CACNA2D3: variants seen among roughly 807,000 people sequenced by gnomAD.
CACNA2D3 encodes voltage-dependent calcium channel subunit alpha-2/delta-3.
In CACNA2D3, 60 loss-of-function variants were observed where a neutral mutation model predicts 160.6. The observed-to-expected ratio is 0.37, with a 90% CI of 0.30 to 0.46. The LOEUF (loss-of-function observed/expected upper bound fraction) is 0.46. Ranked by LOEUF, CACNA2D3 falls within the 20% of genes least tolerant of loss-of-function variation. The probability of loss-of-function intolerance (pLI) is 1.00; values close to 1 mark genes in which losing one functional copy is unlikely to be tolerated. For missense variants in CACNA2D3, 1,205 were observed against 1,365.0 expected (o/e 0.88, Z 1.85); for synonymous variants, 558 against 492.9 (o/e 1.13, Z -1.75).
chr3:54,217,362 G>T (rs1019587240), intron 2 of CACNA2D3, among the ~76,000 whole-genome samples: 1 of 152,146 alleles, frequency 6.6e-6, no homozygotes, highest in Non-Finnish European at 1.5e-5. Context: ...CCTGCCCTGG[G>T]CTAGGGAGTT....
Position 54,703,217 on chromosome 3 carries a change from C to G in CACNA2D3, c.1168-49382C>G, listed in dbSNP as rs376380688. 7.3e-5 allele frequency among the ~76,000 whole-genome samples: 11 copies of G among 151,668 alleles called. No individual in the cohort carries two copies. In the East Asian group the frequency reaches 1.9e-3, roughly 27 times the overall value. On this transcript the variant is annotated intron_variant, in intron 11 of 37. Coordinates refer to ENST00000474759, the MANE Select transcript of CACNA2D3 (RefSeq NM_018398.3). Reference sequence around the variant, plus strand: ...CATGTAACAAACTTGCACATGTACCCCCTGAACTTAAATTAAAAGTTGGAA... The same window carrying G: ...CATGTAACAAACTTGCACATGTACCGCCTGAACTTAAATTAAAAGTTGGAA...
At chr3:54,876,888 C>G (rs1699673374) in intron 18 of CACNA2D3, 1 of 152,194 alleles carries the variant, frequency 6.6e-6, no homozygotes, top group South Asian at 2.1e-4. Flanking sequence ...TCCCTGGGAT[C>G]TGGGAGTCCT....
intron 14 of CACNA2D3, among the ~76,000 whole-genome samples, chr3:54,830,145 A>G (rs1703842551): frequency 1.3e-5 from 2 of 151,898 alleles, no homozygotes; most frequent in Non-Finnish European, 2.9e-5. Context: ...GGATTTCACC[A>G]TCTTGGCCAG....
At chr3:54,873,827 C>G (rs567364619) in intron 18 of CACNA2D3, among the ~76,000 whole-genome samples, 1 of 152,128 alleles carries the variant, frequency 6.6e-6, no homozygotes, top group Non-Finnish European at 1.5e-5. Flanking sequence ...TTGGGAAAAC[C>G]CAAACCACCA....
intron 4 of CACNA2D3, among the ~76,000 whole-genome samples, chr3:54,464,765 C>A (rs554261216): frequency 6.6e-6 from 1 of 152,238 alleles, no homozygotes; most frequent in Non-Finnish European, 1.5e-5. Context: ...GGCTAGCGCA[C>A]GGTGCGCTGC....
chr3:54,958,910 C>A (rs1051140083), intron 27 of CACNA2D3, among the ~76,000 whole-genome samples: 1 of 152,120 alleles, frequency 6.6e-6, no homozygotes, highest in Non-Finnish European at 1.5e-5. Flanking sequence ...TTGAGACCAG[C>A]CTGGGCAACA....
At chr3:54,887,869 C>A in intron 23 of CACNA2D3, 90 bp from the exon 24 acceptor site, 1 of 924,656 alleles carries the variant, frequency 1.1e-6, no homozygotes, top group Non-Finnish European at 1.8e-6. Context: ...AGAAAGTAGC[C>A]TGCAGATGCT....
intron 2 of CACNA2D3, 122 bp from the exon 3 acceptor site, chr3:54,320,320 C>T: frequency 1.9e-6 from 1 of 535,058 alleles, no homozygotes; most frequent in Non-Finnish European, 3.3e-6. Context: ...CACAAATTCA[C>T]CAGAAGCAGT....
intron 4 of CACNA2D3, among the ~76,000 whole-genome samples, chr3:54,500,503 A>G (rs775375765): frequency 3.5e-5 from 3 of 86,226 alleles, no homozygotes; most frequent in African/African-American, 1.3e-4. Flanking sequence ...CTTCCTTCCT[A>G]TCTTCCTTCC....
At chr3:54,985,463 A>G (rs1027981038) in intron 30 of CACNA2D3, among the ~76,000 whole-genome samples, 3 of 152,228 alleles carry the variant, frequency 2.0e-5, no homozygotes, top group African/African-American at 7.2e-5. Flanking sequence ...CAGTGCATAT[A>G]ATAAAGTAAC....
chr3:54,758,355 G>A (rs1419859478), intron 12 of CACNA2D3, among the ~76,000 whole-genome samples: 1 of 151,982 alleles, frequency 6.6e-6, no homozygotes, highest in Non-Finnish European at 1.5e-5. Flanking sequence ...TTGATCTGAG[G>A]CTCAAGCTGA....
At chr3:54,344,163 G>T (rs1698413967) in intron 3 of CACNA2D3, among the ~76,000 whole-genome samples, 1 of 152,218 alleles carries the variant, frequency 6.6e-6, no homozygotes, top group East Asian at 1.9e-4. Context: ...CATTATTAAA[G>T]GGCACTGCTG....
chr3:54,952,022 T>C (rs1421266224), intron 27 of CACNA2D3, among the ~76,000 whole-genome samples: 3 of 152,118 alleles, frequency 2.0e-5, no homozygotes, highest in African/African-American at 7.2e-5. Context: ...CTAATTTTTG[T>C]CTTTTTAGTA....
At chr3:54,830,450 C>A (rs1284688922) in intron 14 of CACNA2D3, among the ~76,000 whole-genome samples, 5 of 137,338 alleles carry the variant, frequency 3.6e-5, no homozygotes, top group African/African-American at 1.1e-4. Context: ...CATTTAAATA[C>A]TTTTTTTTTT....
intron 4 of CACNA2D3, among the ~76,000 whole-genome samples, chr3:54,500,898 T>G (rs748614852): frequency 1.3e-5 from 2 of 152,206 alleles, no homozygotes; most frequent in Non-Finnish European, 2.9e-5. Flanking sequence ...TCTTAATTTA[T>G]AAAGAAAAGA....
At chr3:55,050,436 C>G (rs1237816052) in intron 35 of CACNA2D3, among the ~76,000 whole-genome samples, 10 of 151,524 alleles carry the variant, frequency 6.6e-5, no homozygotes, top group African/African-American at 2.4e-4. Flanking sequence ...TTGGCCCCCA[C>G]TCTCTTCTGG....
At chr3:54,415,367 C>G (rs1254542220) in intron 4 of CACNA2D3, among the ~76,000 whole-genome samples, 1 of 152,100 alleles carries the variant, frequency 6.6e-6, no homozygotes, top group Non-Finnish European at 1.5e-5. Context: ...AGACAACTCA[C>G]CATAAATTTT....
intron 9 of CACNA2D3, among the ~76,000 whole-genome samples, chr3:54,607,466 A>G (rs1559525215): frequency 6.6e-6 from 1 of 152,004 alleles, no homozygotes. Flanking sequence ...CATCATTGCC[A>G]TCCCCTCATA....
intron 9 of CACNA2D3, among the ~76,000 whole-genome samples, chr3:54,610,477 C>T (rs905391199): frequency 2.0e-5 from 3 of 151,900 alleles, no homozygotes; most frequent in Admixed American, 6.6e-5. Context: ...CCCTACCCAC[C>T]TCAAGACTGA....
Sources: allele counts gnomAD v4.1 joint callset (sites outside exome capture counted in the v4.1 genomes callset), GRCh38; gene constraint gnomAD v4.1.1; transcripts MANE v1.5; gene names NCBI Gene and HGNC (gene_info 2026-07-23, HGNC 2026-07-21).